HMBOX1: variants seen among roughly 807,000 people sequenced by gnomAD.
The protein encoded by HMBOX1 is homeobox containing 1.
Under a neutral mutation model 54.5 loss-of-function variants are expected in HMBOX1, and 14 were observed. The observed-to-expected ratio is 0.26, with a 90% CI of 0.17 to 0.40. The LOEUF (loss-of-function observed/expected upper bound fraction) is 0.40, where lower values mean the gene tolerates loss of function less well. Ranked by LOEUF, HMBOX1 falls within the 10% of genes least tolerant of loss-of-function variation. HMBOX1 has a pLI of 1.00. For missense variants in HMBOX1, 332 were observed against 514.4 expected, an observed-to-expected ratio of 0.65 and a Z score of 3.43; for synonymous variants, 160 against 181.0, an observed-to-expected ratio of 0.88 and a Z score of 0.93.
At chr8:28,925,703 T>C (rs1381880024) in intron 1 of HMBOX1, among the ~76,000 whole-genome samples, 3 of 152,176 alleles carry the variant, frequency 2.0e-5, no homozygotes, top group African/African-American at 2.4e-5. Context: ...CCTCATTATG[T>C]TGCTTCTTTT....
At chr8:28,933,988 G>A (rs1437075701) in intron 1 of HMBOX1, among the ~76,000 whole-genome samples, 1 of 152,146 alleles carries the variant, frequency 6.6e-6, no homozygotes, top group East Asian at 1.9e-4. Flanking sequence ...AGCATTACTA[G>A]AATGCTAAGA....
intron 4 of HMBOX1, among the ~76,000 whole-genome samples, chr8:29,001,026 G>A (rs1227963491): frequency 6.6e-6 from 1 of 152,164 alleles, no homozygotes; most frequent in Non-Finnish European, 1.5e-5. Context: ...CTTTTATGGA[G>A]GAGTAGGTTT....
chr8:28,947,845 T>C (rs1181431465), intron 1 of HMBOX1, among the ~76,000 whole-genome samples: 1 of 152,240 alleles, frequency 6.6e-6, no homozygotes, highest in African/African-American at 2.4e-5. Context: ...GTGCAGTTTC[T>C]TTGAAACTGA....
At chr8:29,016,945 C>T (rs559537457) in intron 5 of HMBOX1, among the ~76,000 whole-genome samples, 5 of 152,304 alleles carry the variant, frequency 3.3e-5, no homozygotes, top group Middle Eastern at 3.4e-3. Context: ...AGGGACTATA[C>T]GGAGGTGTGC....
intron 5 of HMBOX1, chr8:29,010,224 T>C (rs947344153): frequency 2.7e-5 from 21 of 781,346 alleles, no homozygotes; most frequent in Non-Finnish European, 2.6e-5. Context: ...TTCAAAAGAC[T>C]AACACAGTAG....
chr8:29,036,311 TAAAG>T (rs1211493766), intron 6 of HMBOX1, among the ~76,000 whole-genome samples: 1 of 152,160 alleles, frequency 6.6e-6, no homozygotes, highest in Non-Finnish European at 1.5e-5. Flanking sequence ...TTTAAACAAG[TAAAG>T]AAAAGCATCC....
intron 6 of HMBOX1, among the ~76,000 whole-genome samples, chr8:29,035,645 T>C (rs1803736226): frequency 1.3e-5 from 2 of 152,364 alleles, no homozygotes; most frequent in South Asian, 4.1e-4. Context: ...ATGACCTTAG[T>C]TGTCACTCAC....
rs80235827 is a variant in HMBOX1, at chr8:28,979,992, T to C, written c.501-79T>C. 523 of 1,060,318 alleles carry C rather than the reference T, an allele frequency of 4.9e-4. 3 individuals carry two copies. The East Asian group carries it at 0.01, about 21-fold the overall frequency. 65.7% of individuals were successfully genotyped at this position (1,060,318 alleles called of 1,614,324 possible). A position where few individuals can be genotyped will look rare whatever the true frequency, so the allele number is the denominator to read the frequency against. On this transcript the variant is annotated intron_variant, in intron 3 of 9. Transcript: ENST00000287701. ...CCTTTCTGTGTTCTCCCCACCTCTCTGCTTCACCTTTCTTTTAGCAAAGAT... is the reference window on the plus strand; with the variant it reads ...CCTTTCTGTGTTCTCCCCACCTCTCCGCTTCACCTTTCTTTTAGCAAAGAT...
intron 4 of HMBOX1, among the ~76,000 whole-genome samples, chr8:28,994,183 C>CG (rs1236325758): frequency 1.4e-5 from 2 of 144,066 alleles, no homozygotes; most frequent in African/African-American, 5.0e-5. Context: ...AAAAAAAAGG[C>CG]GGGGGGATGG....
intron 1 of HMBOX1, among the ~76,000 whole-genome samples, chr8:28,905,264 A>G (rs1455397448): frequency 6.6e-6 from 1 of 152,342 alleles, no homozygotes. Context: ...AATTGTTTTC[A>G]AAGTGAGTTC....
intron 4 of HMBOX1, among the ~76,000 whole-genome samples, chr8:29,004,457 A>G (rs1330861730): frequency 6.6e-6 from 1 of 152,140 alleles, no homozygotes; most frequent in Non-Finnish European, 1.5e-5. Flanking sequence ...AATTTGTGGT[A>G]TTGGAGACTC....
intron 5 of HMBOX1, 138 bp downstream of exon 5, chr8:29,009,320 T>G: frequency 9.5e-7 from 1 of 1,047,406 alleles, no homozygotes. Flanking sequence ...AAAAAGACTC[T>G]TAACAGTAAA....
intron 1 of HMBOX1, chr8:28,955,746 G>A (rs1022919661): frequency 6.6e-6 from 1 of 152,186 alleles, no homozygotes; most frequent in African/African-American, 2.4e-5. Context: ...GAGGTCAGGA[G>A]TTCGAGACCC....
intron 1 of HMBOX1, among the ~76,000 whole-genome samples, chr8:28,942,289 G>A (rs1585969229): frequency 6.6e-6 from 1 of 152,256 alleles, no homozygotes; most frequent in African/African-American, 2.4e-5. Context: ...CTTGAACAAG[G>A]CAAAATAGCA....
chr8:28,955,491 C>T (rs1470786044), intron 1 of HMBOX1, among the ~76,000 whole-genome samples: 1 of 152,096 alleles, frequency 6.6e-6, no homozygotes, highest in Non-Finnish European at 1.5e-5. Flanking sequence ...TCATATTATG[C>T]TTTCTTAAAA....
rs749100900 is a variant in HMBOX1, at chr8:28,970,246, C to T, written c.227C>T (p.Thr76Ile). Reference protein sequence around the residue: ...SYGGSSYGNSTNNVPASSSTA... With the variant: ...SYGGSSYGNSINNVPASSSTA... The stretch of plus-strand genomic sequence containing the variant: ...GGAGGAAGTTCATATGGGAATAGTA[C>T]TAACAATGTCCCAGCATCTTCCTCT... Residue 76 changes from threonine (T) to isoleucine (I), a missense_variant, in exon 3 of 10, where the codon ACT becomes ATT. By Grantham distance (89) the Thr-to-Ile change is moderately conservative (BLOSUM62 -1). This residue lies in a region of HMBOX1 where 146 missense variants were observed against 173.3 expected (regional missense o/e 0.84). Coordinates refer to ENST00000287701, the MANE Select transcript of HMBOX1 (RefSeq NM_001135726.3). This position sits in a 1 kb window ranked among gnomAD's most constrained non-coding sequence, Gnocchi z 4.3. 6.2e-7 allele frequency: 1 copy of T among 1,614,160 alleles called. No individual in the cohort carries two copies. Among genetic ancestry groups the T allele is most frequent in the East Asian group, 2.2e-5 (1 of 44,886 alleles).
At chr8:28,973,435 T>G (rs1443429111) in intron 3 of HMBOX1, among the ~76,000 whole-genome samples, 1 of 152,214 alleles carries the variant, frequency 6.6e-6, no homozygotes, top group Non-Finnish European at 1.5e-5. Context: ...CTTAATGGGC[T>G]TCACATCCCC....
intron 3 of HMBOX1, among the ~76,000 whole-genome samples, chr8:28,978,257 C>T (rs575103583): frequency 6.6e-6 from 1 of 152,276 alleles, no homozygotes; most frequent in South Asian, 2.1e-4. Flanking sequence ...GCTAAAATCC[C>T]TCATCCAAGT....
intron 4 of HMBOX1, among the ~76,000 whole-genome samples, chr8:28,988,206 T>C (rs1464678425): frequency 6.6e-6 from 1 of 152,238 alleles, no homozygotes; most frequent in African/African-American, 2.4e-5. Flanking sequence ...TCCAACTTCT[T>C]TCATTTAGCA....
Sources: gnomAD v4.1 joint callset for allele counts (sites outside exome capture counted in the v4.1 genomes callset) on GRCh38, gnomAD v4.1.1 for gene constraint, gnomAD v4.1.1 regional missense constraint, Gnocchi (gnomAD v3.1) non-coding constraint, MANE v1.5 for transcripts, NCBI Gene and HGNC (gene_info 2026-07-23, HGNC 2026-07-21) for gene names.